The following HNRNPUL1 variants were observed in gnomAD, a reference collection of about 807,000 sequenced individuals.
The protein encoded by HNRNPUL1 is heterogeneous nuclear ribonucleoprotein U-like protein 1.
HNRNPUL1 carries 14 observed loss-of-function variants against 108.5 expected under a neutral mutation model. The observed-to-expected ratio is 0.13, with a 90% CI of 0.09 to 0.20. The LOEUF (loss-of-function observed/expected upper bound fraction) is 0.20. Among genes scored for constraint, HNRNPUL1 ranks in the 10% least tolerant of loss-of-function variants. The pLI, the probability that HNRNPUL1 is intolerant of heterozygous loss-of-function variation, is 1.00. For synonymous variants in HNRNPUL1, 422 were observed against 445.2 expected (o/e 0.95, Z 0.66); for missense variants, 804 against 1,168.3 (o/e 0.69, Z 4.55).
intron 2 of HNRNPUL1, among the ~76,000 whole-genome samples, chr19:41,271,665 C>T (rs2035247289): frequency 1.3e-5 from 2 of 152,108 alleles, no homozygotes; most frequent in African/African-American, 4.8e-5. Context: ...AATGGTATGA[C>T]TTAAAGAGGT....
chr19:41,265,857 G>T (rs950450439), intron 1 of HNRNPUL1, among the ~76,000 whole-genome samples: 1 of 152,130 alleles, frequency 6.6e-6, no homozygotes, highest in East Asian at 1.9e-4. Flanking sequence ...ATATGGGGAG[G>T]GGGGAGGCCG....
At chr19:41,285,851 C>T (rs984884337) in intron 7 of HNRNPUL1, among the ~76,000 whole-genome samples, 2 of 152,058 alleles carry the variant, frequency 1.3e-5, no homozygotes, top group African/African-American at 4.8e-5. Flanking sequence ...GTCAAAAATC[C>T]ACGTATAGTT....
chr19:41,284,869 G>T (rs140688275), intron 7 of HNRNPUL1, among the ~76,000 whole-genome samples: 1 of 152,072 alleles, frequency 6.6e-6, no homozygotes, highest in East Asian at 1.9e-4. Context: ...GGTGGCCAGC[G>T]CCTGTAGTCC....
At chr19:41,297,464 G>A (rs2122887900) in intron 10 of HNRNPUL1, among the ~76,000 whole-genome samples, 1 of 152,322 alleles carries the variant, frequency 6.6e-6, no homozygotes, top group South Asian at 2.1e-4. Context: ...AGGTGGAGTA[G>A]AAGGCCACAT....
intron 2 of HNRNPUL1, among the ~76,000 whole-genome samples, chr19:41,270,962 A>G (rs2035198886): frequency 6.6e-6 from 1 of 152,170 alleles, no homozygotes; most frequent in Non-Finnish European, 1.5e-5. Context: ...ACAACCTAGC[A>G]TACTTGCTCC....
At chr19:41,281,696 G>A (rs569573517) in intron 7 of HNRNPUL1, among the ~76,000 whole-genome samples, 1 of 152,178 alleles carries the variant, frequency 6.6e-6, no homozygotes, top group African/African-American at 2.4e-5. Flanking sequence ...TCTCACATTG[G>A]TTGAGCCAGG....
upstream of HNRNPUL1, chr19:41,264,286 G>A: frequency 7.4e-6 from 3 of 407,194 alleles, no homozygotes; most frequent in Non-Finnish European, 1.3e-5. Context: ...TTCCGGGCCC[G>A]CGCCCGTTGC....
In HNRNPUL1 at chr19:41,264,433, G is replaced by A. The variant is rs1482778065; in HGVS notation, c.-71G>A. 2 of 1,246,640 alleles carry A rather than the reference G, an allele frequency of 1.6e-6. No homozygotes were observed. Among genetic ancestry groups the A allele is most frequent in the East Asian group, 3.1e-5 (1 of 32,186 alleles). 77.2% of individuals were successfully genotyped at this position (1,246,640 alleles called of 1,614,324 possible). A position where few individuals can be genotyped will look rare whatever the true frequency, so the allele number is the denominator to read the frequency against. On this transcript the variant is annotated 5_prime_UTR_variant, in exon 1 of 15. Transcript: ENST00000392006. ...CCCTTTCCCCCTTCGCCTCCTGACA[G>A]GAAAGGTTTAAGGGGGACAGAGCCC...
intron 7 of HNRNPUL1, among the ~76,000 whole-genome samples, chr19:41,287,706 C>T (rs958552678): frequency 3.0e-4 from 46 of 151,900 alleles, no homozygotes; most frequent in African/African-American, 9.7e-4. Context: ...ACTACAGGTA[C>T]GCGCCACCAC....
chr19:41,296,083 C>T (rs966940219), intron 10 of HNRNPUL1, among the ~76,000 whole-genome samples: 3 of 152,206 alleles, frequency 2.0e-5, no homozygotes, highest in African/African-American at 4.8e-5. Flanking sequence ...CATTTTAACA[C>T]TCTGAGGATA....
upstream of HNRNPUL1, among the ~76,000 whole-genome samples, chr19:41,263,358 C>T (rs2034613978): frequency 6.6e-6 from 1 of 152,134 alleles, no homozygotes; most frequent in Non-Finnish European, 1.5e-5. Flanking sequence ...TCGGTACAGA[C>T]GCCAGACAGC....
rs71177709 is a variant in HNRNPUL1, at chr19:41,288,202, CTT to C, written c.1000-4027_1000-4026del. Among the ~76,000 whole-genome samples the C allele has an allele frequency of 6.4e-4, 60 of 93,084 alleles. 1 individual carries two copies. The highest frequency in any genetic ancestry group is 1.2e-3 in the Admixed American group (10 of 8,066). The allele number at this position is 93,084 out of a possible 152,430, so 61.1% of individuals were successfully genotyped here. ...AACCCACTGGTACTCGGGGTTTCAT[CTT>C]TTTTTTTTTTTTTTTAACTTGTATG... On this transcript the variant is annotated intron_variant, in intron 7 of 14. Transcript: ENST00000392006.
At chr19:41,298,984 T>C (rs1488261103) in intron 10 of HNRNPUL1, 1 of 151,966 alleles carries the variant, frequency 6.6e-6, no homozygotes, top group Non-Finnish European at 1.5e-5. Context: ...ACCTACCTAC[T>C]CTGAGCTTTT....
chr19:41,274,694 T>C (rs2035444719), intron 4 of HNRNPUL1, among the ~76,000 whole-genome samples: 1 of 152,190 alleles, frequency 6.6e-6, no homozygotes, highest in East Asian at 1.9e-4. Flanking sequence ...AATTTTTACA[T>C]GCACCCAGAA....
intron 7 of HNRNPUL1, among the ~76,000 whole-genome samples, chr19:41,288,168 C>T (rs2036359801): frequency 6.7e-6 from 1 of 148,552 alleles, no homozygotes; most frequent in Non-Finnish European, 1.5e-5. Flanking sequence ...ATACCCTCCC[C>T]AGCATGTGAA....
At chr19:41,280,640 G>A (rs751666022) in intron 6 of HNRNPUL1, among the ~76,000 whole-genome samples, 6 of 152,092 alleles carry the variant, frequency 3.9e-5, no homozygotes, top group Admixed American at 6.6e-5. Context: ...GGTTCTGCCC[G>A]GAATCTCTAA....
At chr19:41,279,308 G>C (rs529139727) in intron 6 of HNRNPUL1, 132 bp downstream of exon 6, 2 of 637,436 alleles carry the variant, frequency 3.1e-6, no homozygotes, top group East Asian at 5.4e-5. Flanking sequence ...ACAGGTACAA[G>C]GATTAGGTAT....
chr19:41,284,304 A>G (rs2036080166), intron 7 of HNRNPUL1, among the ~76,000 whole-genome samples: 1 of 152,218 alleles, frequency 6.6e-6, no homozygotes, highest in Non-Finnish European at 1.5e-5. Context: ...GAAAAAAAGA[A>G]AAAATTCCCG....
At position 41,301,628 on chromosome 19, in the gene HNRNPUL1, C is replaced by A; in HGVS notation, c.1611C>A (p.Asp537Glu). Residue 537 changes from aspartate to glutamate, a missense_variant, in exon 11 of 15, where the codon GAC (aspartate) becomes GAA (glutamate). Coordinates refer to ENST00000392006, the MANE Select transcript of HNRNPUL1 (RefSeq NM_007040.6). ...TTGTAATTTGTCCCACTGACGAGGACCTAAAAGACCGAACAATAAAGCGAA... is the reference window on the plus strand; with the variant it reads ...TTGTAATTTGTCCCACTGACGAGGAACTAAAAGACCGAACAATAAAGCGAA... ...KAIVICPTDE[D>E]LKDRTIKRTD... The A allele has an allele frequency of 6.2e-7, 1 of 1,614,086 alleles. No individual in the cohort carries two copies. Among genetic ancestry groups the A allele is most frequent in the Non-Finnish European group, 8.5e-7 (1 of 1,180,006 alleles).
Sources: allele counts gnomAD v4.1 joint callset (sites outside exome capture counted in the v4.1 genomes callset), GRCh38; gene constraint gnomAD v4.1.1; transcripts MANE v1.5; gene names NCBI Gene and HGNC (gene_info 2026-07-23, HGNC 2026-07-21).